Variants in TENT5D observed in about 807,000 individuals in gnomAD.
TENT5D encodes terminal nucleotidyltransferase 5D.
For missense variants in TENT5D, 191 were observed against 287.0 expected, an observed-to-expected ratio of 0.67 and a Z score of 2.42; for synonymous variants, 103 against 100.6, an observed-to-expected ratio of 1.02 and a Z score of -0.15.
intron 3 of TENT5D, among the ~76,000 whole-genome samples, chrX:80,362,870 T>C (rs935442766): frequency 2.7e-5 from 3 of 111,745 alleles, no homozygotes; most frequent in African/African-American, 9.7e-5. Context: ...CTTCATCTAT[T>C]ATTTTCATTG....
chrX:80,431,873 T>C (rs1366141629), intron 1 of TENT5D, among the ~76,000 whole-genome samples: 1 of 111,386 alleles, frequency 9.0e-6, no homozygotes, highest in Non-Finnish European at 1.9e-5. Context: ...GCTTCTCACA[T>C]GGGAAAAGGA....
chrX:80,386,141 C>G (rs1930998217), intron 3 of TENT5D, among the ~76,000 whole-genome samples: 1 of 112,156 alleles, frequency 8.9e-6, no homozygotes, highest in Non-Finnish European at 1.9e-5. Flanking sequence ...TATTGCAGCA[C>G]TATTCACAGT....
chrX:80,392,495 C>CTTTTTTTT lies in TENT5D; in HGVS notation c.-141-46090_-141-46083dup, dbSNP rs72029455. 8.7e-3 allele frequency among the ~76,000 whole-genome samples: 211 copies of CTTTTTTTT among 24,333 alleles called. 30 individuals carry two copies. The highest frequency in any genetic ancestry group is 0.022 in the African/African-American group (111 of 5,030). 21.1% of individuals were successfully genotyped at this position (24,333 alleles called of 115,157 possible). A position where few individuals can be genotyped will look rare whatever the true frequency, so the allele number is the denominator to read the frequency against. ...TTTATAGCTTTATTCTCATTTTATT[C>CTTTTTTTT]TTTTTTTTTTTTTTTTTTTTTTTTT... On this transcript the variant is annotated intron_variant, in intron 3 of 4. Transcript: ENST00000538312.
intron 1 of TENT5D, among the ~76,000 whole-genome samples, chrX:80,433,523 G>A (rs1035325010): frequency 8.9e-6 from 1 of 112,238 alleles, no homozygotes; most frequent in Non-Finnish European, 1.9e-5. Flanking sequence ...GTTTAGGGCC[G>A]AGTGAAAAGC....
At chrX:80,407,405 G>A (rs2147550187) in intron 3 of TENT5D, among the ~76,000 whole-genome samples, 1 of 109,636 alleles carries the variant, frequency 9.1e-6, no homozygotes, top group East Asian at 2.9e-4. Context: ...GATGGAGGAA[G>A]ATCTACCAAG....
At chrX:80,414,458 C>T (rs759376423) in intron 3 of TENT5D, among the ~76,000 whole-genome samples, 2 of 111,866 alleles carry the variant, frequency 1.8e-5, no homozygotes, top group East Asian at 2.8e-4. Flanking sequence ...AGGTTAAGGA[C>T]GTGCCCGCAA....
chrX:80,424,536 G>A (rs1309411314), intron 1 of TENT5D, among the ~76,000 whole-genome samples: 1 of 112,095 alleles, frequency 8.9e-6, no homozygotes, highest in Non-Finnish European at 1.9e-5. Context: ...CCTTTGAGTG[G>A]TAGTTGGAGA....
intron 3 of TENT5D, among the ~76,000 whole-genome samples, chrX:80,377,866 T>G (rs1930767388): frequency 8.9e-6 from 1 of 111,904 alleles, no homozygotes; most frequent in Non-Finnish European, 1.9e-5. Context: ...TGTAAAAGCG[T>G]TCCTATTTCT....
rs1421544576 is a variant in TENT5D at position 80,385,126 on chromosome X, C to T, written c.-142+42562C>T. ...CCCGCATTGCCAAGACAATCCTAAGCCAAAAGAACAAAGCTGGAGGCATCA... is the reference window on the plus strand; with the variant it reads ...CCCGCATTGCCAAGACAATCCTAAGTCAAAAGAACAAAGCTGGAGGCATCA... On this transcript the variant is annotated intron_variant, in intron 3 of 4. Coordinates refer to the TENT5D transcript ENST00000538312. 3.6e-5 allele frequency among the ~76,000 whole-genome samples: 4 copies of T among 111,258 alleles called. No homozygotes were observed. The Admixed American group carries it at 3.8e-4, about 11-fold the overall frequency.
chrX:80,403,969 G>A (rs756351901), intron 3 of TENT5D, among the ~76,000 whole-genome samples: 3 of 111,627 alleles, frequency 2.7e-5, no homozygotes, highest in Non-Finnish European at 5.6e-5. Flanking sequence ...TATGTACGAT[G>A]TACATTGGTT....
intron 2 of TENT5D, 98 bp from the exon 3 acceptor site, chrX:80,442,424 T>A: frequency 1.9e-6 from 1 of 529,901 alleles, no homozygotes; most frequent in Non-Finnish European, 3.0e-6. Flanking sequence ...TATCATGGTT[T>A]ATGTTGAGGG....
intron 2 of TENT5D, among the ~76,000 whole-genome samples, chrX:80,440,205 G>A (rs1449570247): frequency 1.8e-5 from 2 of 111,606 alleles, no homozygotes; most frequent in Non-Finnish European, 3.8e-5. Context: ...GAAATCACTA[G>A]CATAGATAAT....
upstream of TENT5D, among the ~76,000 whole-genome samples, chrX:80,415,594 A>T (rs1344414553): frequency 9.0e-6 from 1 of 111,564 alleles, no homozygotes; most frequent in African/African-American, 3.3e-5. Flanking sequence ...TTATGTGAAC[A>T]TTTATTGATT....
chrX:80,399,784 T>TC (rs1358125620), intron 3 of TENT5D, among the ~76,000 whole-genome samples: 2 of 112,273 alleles, frequency 1.8e-5, no homozygotes, highest in Non-Finnish European at 3.8e-5. Flanking sequence ...AACTTTTTTT[T>TC]CACCATTAAG....
chrX:80,396,288 C>A lies in TENT5D; in HGVS notation c.-141-42322C>A, dbSNP rs759160959. On this transcript the variant is annotated intron_variant, in intron 3 of 4. Coordinates refer to the TENT5D transcript ENST00000538312. ...TTTATACTGTTTTTCTTTTTTTTTT[C>A]TTTTATTGATCATTCTTGGGTGTTT... Among the ~76,000 whole-genome samples the A allele has an allele frequency of 1.5e-4, 15 of 102,781 alleles. 1 individual carries two copies. In the South Asian group the frequency reaches 6.2e-3, roughly 43 times the overall value. The allele number at this position is 102,781 out of a possible 115,157, so 89.3% of individuals were successfully genotyped here.
intron 3 of TENT5D, among the ~76,000 whole-genome samples, chrX:80,393,729 CTG>C (rs770653685): frequency 1.2e-4 from 13 of 111,588 alleles, no homozygotes; most frequent in Non-Finnish European, 2.1e-4. Flanking sequence ...CTCCCAGCCT[CTG>C]GTAACCACCA....
intron 1 of TENT5D, among the ~76,000 whole-genome samples, 158 bp from the exon 2 acceptor site, chrX:80,438,452 A>T (rs1218061848): frequency 1.9e-5 from 2 of 107,522 alleles, no homozygotes; most frequent in African/African-American, 3.3e-5. Flanking sequence ...CAATCATTTC[A>T]TCATTTCTTC....
exon 3 of TENT5D, chrX:80,442,566 C>G: frequency 1.7e-6 from 2 of 1,205,306 alleles, no homozygotes; most frequent in African/African-American, 1.7e-5. Flanking sequence ...TCACCAATCT[C>G]ACTTGGGATC....
chrX:80,443,713 A>G, exon 3 of TENT5D: 1 of 1,151,196 alleles, frequency 8.7e-7, no homozygotes. Flanking sequence ...GAGTTAAAAA[A>G]TACACATGCA....
Sources: allele counts gnomAD v4.1 joint callset (sites outside exome capture counted in the v4.1 genomes callset), GRCh38; gene constraint gnomAD v4.1.1; transcripts MANE v1.5; gene names NCBI Gene and HGNC (gene_info 2026-07-23, HGNC 2026-07-21).